Variants in LCP2 observed in about 807,000 individuals in gnomAD.
LCP2 encodes the protein lymphocyte cytosolic protein 2.
A neutral mutation model predicts 74.5 loss-of-function variants in LCP2; 29 were observed. The observed-to-expected ratio is 0.39, with a 90% CI of 0.29 to 0.53. The LOEUF (loss-of-function observed/expected upper bound fraction) is 0.53. Ranked by LOEUF, LCP2 falls within the 20% of genes least tolerant of loss-of-function variation. LCP2 has a pLI of 0.72. For synonymous variants in LCP2, 228 were observed against 229.5 expected, an observed-to-expected ratio of 0.99 and a Z score of 0.06; for missense variants, 604 against 634.6, an observed-to-expected ratio of 0.95 and a Z score of 0.52.
rs2113166780 is a variant in LCP2 at position 170,262,640 on chromosome 5, C to T, written c.921G>A (p.Val307=). Residue 307 remains valine, a synonymous_variant, in exon 13 of 21, where the codon GTG becomes GTA. Transcript: ENST00000046794. ...SSPLPGKKPP[V]PKHGWGPDRR... ...AAGCAACACCAGACAATTACTTTGG[C>T]ACAGGTGGCTTCTTCCCTGGCAGGG... The T allele has an allele frequency of 1.2e-6, 2 of 1,610,768 alleles. No homozygotes were observed. The highest frequency in any genetic ancestry group is 1.1e-5 in the South Asian group (1 of 90,764).
intron 10 of LCP2, among the ~76,000 whole-genome samples, chr5:170,265,089 G>A (rs1378659985): frequency 6.9e-6 from 1 of 145,192 alleles, no homozygotes; most frequent in Non-Finnish European, 1.5e-5. Context: ...CCAGGTTCAC[G>A]CCATTCTCCT....
At chr5:170,264,978 CTTTTTTTTTTTTT>C (rs58508083) in intron 10 of LCP2, among the ~76,000 whole-genome samples, 144 of 108,988 alleles carry the variant, frequency 1.3e-3, no homozygotes, top group East Asian at 0.013. Context: ...CAAAATTTGC[CTTTTTTTTTTTTT>C]TTTTTTTTTT....
At chr5:170,291,002 GAGAAAGAAAGAGAGAA>G (rs1762284774) in intron 2 of LCP2, among the ~76,000 whole-genome samples, 1 of 71,264 alleles carries the variant, frequency 1.4e-5, no homozygotes, top group African/African-American at 5.6e-5. Flanking sequence ...GAAAGAAAGA[GAGAAAGAAAGAGAGAA>G]AGAAAGAGAG....
chr5:170,293,713 G>A (rs1411061482), intron 1 of LCP2, among the ~76,000 whole-genome samples: 2 of 152,224 alleles, frequency 1.3e-5, no homozygotes, highest in African/African-American at 4.8e-5. Context: ...GATGCCCAGA[G>A]ACGACCTCGG....
chr5:170,263,370 G>C (rs914455139), intron 10 of LCP2, among the ~76,000 whole-genome samples: 1 of 152,146 alleles, frequency 6.6e-6, no homozygotes, highest in Non-Finnish European at 1.5e-5. Context: ...TGCAGCCTAA[G>C]TTTTATTTTT....
intron 10 of LCP2, among the ~76,000 whole-genome samples, chr5:170,266,397 A>C (rs1761757117): frequency 6.6e-6 from 1 of 152,244 alleles, no homozygotes; most frequent in Non-Finnish European, 1.5e-5. Context: ...TGAGCTATTA[A>C]GTAGCAGGCA....
At chr5:170,286,292 T>G (rs1581074312) in intron 3 of LCP2, among the ~76,000 whole-genome samples, 1 of 152,178 alleles carries the variant, frequency 6.6e-6, no homozygotes, top group Non-Finnish European at 1.5e-5. Context: ...AGCCCTCAAT[T>G]GCCACATCTT....
chr5:170,288,797 C>G (rs533113835), intron 2 of LCP2, among the ~76,000 whole-genome samples: 3 of 152,340 alleles, frequency 2.0e-5, no homozygotes, highest in Non-Finnish European at 4.4e-5. Flanking sequence ...TGCAAACCTC[C>G]ATCCTACCAC....
rs767614233 is a variant in LCP2, at chr5:170,256,501, C to T, written c.1150+25G>A. On this transcript the variant is annotated intron_variant, in intron 17 of 20. Coordinates refer to ENST00000046794, the MANE Select transcript of LCP2 (RefSeq NM_005565.5). This position sits in a 1 kb window ranked among gnomAD's most constrained non-coding sequence, Gnocchi z 4.5. ...TCATAAAGGCTTGATGGCTGAAGCA[C>T]GTCACAAAAGCCCAGAGTACAAACC... 8.8e-6 allele frequency: 14 copies of T among 1,599,502 alleles called. No individual in the cohort carries two copies. Among genetic ancestry groups the T allele is most frequent in the African/African-American group, 2.7e-5 (2 of 74,680 alleles).
intron 17 of LCP2, among the ~76,000 whole-genome samples, chr5:170,254,339 A>C (rs1761511347): frequency 6.6e-6 from 1 of 152,198 alleles, no homozygotes; most frequent in South Asian, 2.1e-4. Context: ...CGGTGGTTCT[A>C]CACCACGGAT....
intron 19 of LCP2, 167 bp from the exon 20 acceptor site, chr5:170,251,052 G>A: frequency 3.4e-6 from 2 of 585,356 alleles, no homozygotes; most frequent in South Asian, 2.2e-5. Context: ...TCTCCAAACA[G>A]CTACATATCC....
chr5:170,297,467 G>C (rs554080947), intron 1 of LCP2, 67 bp downstream of exon 1: 4 of 1,413,398 alleles, frequency 2.8e-6, no homozygotes, highest in African/African-American at 2.8e-5. Flanking sequence ...CAATTCCATC[G>C]TCAAGCCTCA....
At position 170,253,132 on chromosome 5, in the gene LCP2, G is replaced by T; in HGVS notation, c.1232C>A (p.Pro411His). 6.2e-7 allele frequency: 1 copy of T among 1,609,566 alleles called. No individual in the cohort carries two copies. Residue 411 changes from proline to histidine, a missense_variant, in exon 18 of 21, where the codon CCC (proline) becomes CAC (histidine). Transcript: ENST00000046794. ...ATGCTCTCTTACCTCTTCCTCCGCG[G>T]GGGATGGGGGCCGAGGTTTGTTTGG... Reference protein sequence around the residue: ...PLPNKPRPPSPAEEENSLNEE... With the variant: ...PLPNKPRPPSHAEEENSLNEE...
chr5:170,292,713 C>T (rs1201324804), intron 2 of LCP2, among the ~76,000 whole-genome samples: 2 of 152,186 alleles, frequency 1.3e-5, no homozygotes, highest in African/African-American at 4.8e-5. Flanking sequence ...AATGCTCAAA[C>T]CACCTCCCCG....
chr5:170,292,383 G>A (rs771782493), intron 2 of LCP2, among the ~76,000 whole-genome samples: 3 of 152,100 alleles, frequency 2.0e-5, no homozygotes, highest in Non-Finnish European at 4.4e-5. Context: ...CATCACTGAA[G>A]GAATTCAAGA....
chr5:170,261,292 G>T (rs758504788), intron 13 of LCP2, among the ~76,000 whole-genome samples, 155 bp from the exon 14 acceptor site: 4 of 152,132 alleles, frequency 2.6e-5, no homozygotes, highest in Non-Finnish European at 4.4e-5. Context: ...GCAGGGGAGA[G>T]GGGGTGGAAG....
At chr5:170,289,517 G>C (rs886664127) in intron 2 of LCP2, among the ~76,000 whole-genome samples, 1 of 152,118 alleles carries the variant, frequency 6.6e-6, no homozygotes, top group Non-Finnish European at 1.5e-5. Context: ...CCTGCGGCAG[G>C]GTGGGGCTGG....
intron 2 of LCP2, among the ~76,000 whole-genome samples, chr5:170,288,654 T>G (rs1010084174): frequency 1.3e-5 from 2 of 152,228 alleles, no homozygotes; most frequent in Non-Finnish European, 2.9e-5. Context: ...AACTCTGTGA[T>G]GCAGGAGTTA....
At chr5:170,252,218 T>G (rs2113150236) in intron 19 of LCP2, 39 of 374,484 alleles carry the variant, frequency 1.0e-4, no homozygotes, top group Non-Finnish European at 1.3e-4. Context: ...ATGACTGCCT[T>G]GAGATTCTTC....
Sources: gnomAD v4.1 joint callset for allele counts (sites outside exome capture counted in the v4.1 genomes callset) on GRCh38, gnomAD v4.1.1 for gene constraint, Gnocchi (gnomAD v3.1) non-coding constraint, MANE v1.5 for transcripts, NCBI Gene and HGNC (gene_info 2026-07-23, HGNC 2026-07-21) for gene names.